Variants in WDR3 observed in about 807,000 individuals in gnomAD.
WDR3 encodes WD repeat domain 3.
A neutral mutation model predicts 123.7 loss-of-function variants in WDR3; 81 were observed. The observed-to-expected ratio is 0.65, with a 90% confidence interval of 0.55 to 0.79. The LOEUF (loss-of-function observed/expected upper bound fraction) is 0.79. Among genes scored for constraint, WDR3 ranks in the 30% least tolerant of loss-of-function variants. WDR3 has a pLI of 0.00. For missense variants in WDR3, 1,027 were observed against 1,123.2 expected (o/e 0.91, Z 1.22); for synonymous variants, 390 against 388.8 (o/e 1.00, Z -0.04).
intron 2 of WDR3, among the ~76,000 whole-genome samples, chr1:117,933,931 G>GA: frequency 1.3e-5 from 2 of 152,246 alleles, no homozygotes; most frequent in Middle Eastern, 6.8e-3. Flanking sequence ...TTGATACTTT[G>GA]TGTGACTGAA....
Position 117,963,585 on chromosome 1 carries a change from C to G in WDR3, c.*4138C>G. On this transcript the variant is annotated 3_prime_UTR_variant, in exon 27 of 27. Coordinates refer to ENST00000349139, the MANE Select transcript of WDR3 (RefSeq NM_006784.3). ...TTCACCAAGTTAGCCAGGATGGTCT[C>G]GATCTCCTGACCTTGTGATCCACCC... 3 of 320,404 alleles carry G rather than the reference C, an allele frequency of 9.4e-6. No homozygotes were observed. The highest frequency in any genetic ancestry group is 1.8e-5 in the Non-Finnish European group (3 of 168,762). 19.8% of individuals were successfully genotyped at this position (320,404 alleles called of 1,614,324 possible).
intron 8 of WDR3, 51 bp from the exon 9 acceptor site, chr1:117,941,699 T>C: frequency 6.3e-7 from 1 of 1,575,858 alleles, no homozygotes; most frequent in Non-Finnish European, 8.6e-7. Flanking sequence ...GAGAATTAGG[T>C]AAATTACAAA....
intron 21 of WDR3, 132 bp from the exon 22 acceptor site, chr1:117,953,875 C>A: frequency 1.3e-6 from 1 of 747,160 alleles, no homozygotes; most frequent in Admixed American, 2.8e-5. Context: ...TTTTGGCACT[C>A]TATTCGCACG....
intron 12 of WDR3, among the ~76,000 whole-genome samples, chr1:117,946,515 C>T (rs564356051): frequency 6.6e-6 from 1 of 152,052 alleles, no homozygotes; most frequent in Admixed American, 6.5e-5. Flanking sequence ...TACCTAATAT[C>T]ATGCTTGGCA....
chr1:117,953,412 A>T, intron 20 of WDR3, 64 bp from the exon 21 acceptor site: 1 of 1,502,764 alleles, frequency 6.7e-7, no homozygotes, highest in Non-Finnish European at 9.2e-7. Flanking sequence ...ATGTAAGATT[A>T]ATTTATCAGC....
intron 24 of WDR3, 32 bp from the exon 25 acceptor site, chr1:117,957,036 T>C: frequency 6.5e-7 from 1 of 1,530,924 alleles, no homozygotes. Context: ...TTAACAAATG[T>C]GGCATTTTTA....
In WDR3 at chr1:117,958,979, T is replaced by G. The variant is rs1229016158; in HGVS notation, c.2652T>G (p.Thr884=). Residue 884 remains threonine (T), a synonymous_variant, in exon 26 of 27, where the codon ACT becomes ACG. Coordinates refer to ENST00000349139, the MANE Select transcript of WDR3 (RefSeq NM_006784.3). ...TGATAGAAAAATTAAGGGAAACAAC[T>G]ATTTCAAAAGTCAGCCAAGTCCGGG... ...VPVIEKLRET[T]ISKVSQVRDV... The G allele has an allele frequency of 6.2e-7, 1 of 1,614,020 alleles. No individual in the cohort carries two copies. The highest frequency in any genetic ancestry group is 8.5e-7 in the Non-Finnish European group (1 of 1,179,932).
Position 117,954,075 on chromosome 1 carries a change from C to CATTT in WDR3, c.2338_2341dup (p.Cys781TyrfsTer3). 1 of 1,611,858 alleles carries CATTT rather than the reference C, an allele frequency of 6.2e-7. No homozygotes were observed. On this transcript the variant is annotated frameshift_variant, in exon 22 of 27. Transcript: ENST00000349139. LOFTEE classifies it high-confidence loss of function. ...CTGCAAAAATGAAGGAACACAAAGC[C>CATTT]ATTTGTAAAGCTGCAGGGAAAGAGG...
At position 117,933,346 on chromosome 1, in the gene WDR3, C is replaced by T. The variant is rs1285923733; in HGVS notation, c.27C>T (p.Arg9=). The change falls in exon 2 of 27, where the codon CGC becomes CGT. Residue 9 remains arginine, a synonymous_variant. Coordinates refer to ENST00000349139, the MANE Select transcript of WDR3 (RefSeq NM_006784.3). ...TGGGGCTCACCAAGCAGTACCTACG[C>T]TATGTTGCTAGTGCGGTCTTTGGCG... is the stretch of plus-strand genomic sequence containing the variant. MGLTKQYL[R]YVASAVFGVI... 2 of 1,614,162 alleles carry T rather than the reference C, an allele frequency of 1.2e-6. No homozygotes were observed. Among genetic ancestry groups the T allele is most frequent in the Non-Finnish European group, 1.7e-6 (2 of 1,180,022 alleles).
chr1:117,952,559 T>TA lies in WDR3; in HGVS notation c.2050dup (p.Ser684LysfsTer13). ...CACCAGGAAATATGGTGTTTGGCTG[T>TA]AAGCCCCAGTGGAGACTATGTTGTA... On this transcript the variant is annotated frameshift_variant, in exon 19 of 27. Transcript: ENST00000349139. LOFTEE classifies it high-confidence loss of function. 6.2e-7 allele frequency: 1 copy of TA among 1,613,274 alleles called. No homozygotes were observed. The highest frequency in any genetic ancestry group is 8.5e-7 in the Non-Finnish European group (1 of 1,179,558).
intron 25 of WDR3, among the ~76,000 whole-genome samples, chr1:117,958,264 G>T (rs767297313): frequency 1.4e-4 from 21 of 152,162 alleles, no homozygotes; most frequent in East Asian, 1.9e-4. Context: ...AAGAGAAGAA[G>T]AATAATATGT....
At chr1:117,933,237 A>C in intron 1 of WDR3, 51 bp from the exon 2 acceptor site, 1 of 1,508,826 alleles carries the variant, frequency 6.6e-7, no homozygotes, top group South Asian at 1.2e-5. Flanking sequence ...TTACTAACCT[A>C]GTAGAACCAA....
At chr1:117,951,402 C>T (rs1402483917) in intron 16 of WDR3, among the ~76,000 whole-genome samples, 6 of 147,214 alleles carry the variant, frequency 4.1e-5, no homozygotes, top group South Asian at 2.1e-4. Context: ...AGTGAGACTC[C>T]GTCTCAAAAA....
At chr1:117,959,179 G>C in intron 26 of WDR3, 113 bp from the exon 27 acceptor site, 1 of 1,402,952 alleles carries the variant, frequency 7.1e-7, no homozygotes. Context: ...AGTTCTTAAT[G>C]AGGGAAAGAT....
rs115457765 is a variant in WDR3, at chr1:117,958,467, A to C, written c.2583-443A>C. 6.5e-3 allele frequency among the ~76,000 whole-genome samples: 989 copies of C among 152,300 alleles called. 8 individuals carry two copies. The highest frequency in any genetic ancestry group is 0.022 in the African/African-American group (932 of 41,562). On this transcript the variant is annotated intron_variant, in intron 25 of 26. Transcript: ENST00000349139. The stretch of plus-strand genomic sequence containing the variant: ...ATGGGTACTACCTGACAGGTATGGT[A>C]GGGTCATCAAGGATATCTTGGTACT...
Position 117,954,638 on chromosome 1 carries a change from T to C in WDR3, c.2409+11T>C, listed in dbSNP as rs1026528253. Reference sequence around the variant, plus strand: ...TATGGCAGTATCTCAGTGAGTAAAATGTCTAACGGTTTTCCTTTGTTTATT... The same window carrying C: ...TATGGCAGTATCTCAGTGAGTAAAACGTCTAACGGTTTTCCTTTGTTTATT... On this transcript the variant is annotated intron_variant, in intron 23 of 26. Coordinates refer to ENST00000349139, the MANE Select transcript of WDR3 (RefSeq NM_006784.3). 4 of 1,610,548 alleles carry C rather than the reference T, an allele frequency of 2.5e-6. No homozygotes were observed. The highest frequency in any genetic ancestry group is 1.3e-5 in the African/African-American group (1 of 74,758).
rs1651583598 is a variant in WDR3, at chr1:117,950,857, CA to C, written c.1773del (p.Lys591AsnfsTer16). The C allele has an allele frequency of 1.9e-6, 3 of 1,609,056 alleles. No homozygotes were observed. Among genetic ancestry groups the C allele is most frequent in the African/African-American group, 1.3e-5 (1 of 74,628 alleles). On this transcript the variant is annotated frameshift_variant, in exon 16 of 27. Transcript: ENST00000349139. LOFTEE classifies it high-confidence loss of function. ...LKFFLSLYGHKLPVICMDISH... is the reference protein window; with the variant it reads ...LKFFLSLYGHXLPVICMDISH... ...AGTTTTTTCTGTCACTGTATGGACA[CA>C]AACTGCCTGTTATATGCATGGACAT...
rs1245526299 is a variant in WDR3 at position 117,961,400 on chromosome 1, G to A, written c.*1953G>A. 2 of 152,144 alleles carry A rather than the reference G, an allele frequency of 1.3e-5. No homozygotes were observed. Among genetic ancestry groups the A allele is most frequent in the African/African-American group, 4.8e-5 (2 of 41,426 alleles). The allele number at this position is 152,144 out of a possible 1,614,324, so 9.4% of individuals were successfully genotyped here. A position where few individuals can be genotyped will look rare whatever the true frequency, so the allele number is the denominator to read the frequency against. On this transcript the variant is annotated 3_prime_UTR_variant, in exon 27 of 27. Transcript: ENST00000349139. Reference sequence around the variant, plus strand: ...GGTAAGGATTTGGGGAATGTTCTAGGAAAAGATATTGACAGATACCTCTGG... The same window carrying A: ...GGTAAGGATTTGGGGAATGTTCTAGAAAAAGATATTGACAGATACCTCTGG...
chr1:117,936,180 T>C (rs1444453194), intron 3 of WDR3, among the ~76,000 whole-genome samples: 1 of 152,126 alleles, frequency 6.6e-6, no homozygotes, highest in Non-Finnish European at 1.5e-5. Flanking sequence ...CTGCTGGTTC[T>C]ATAGATTTAC....
Sources: allele counts gnomAD v4.1 joint callset (sites outside exome capture counted in the v4.1 genomes callset), GRCh38; gene constraint gnomAD v4.1.1; transcripts MANE v1.5; gene names NCBI Gene and HGNC (gene_info 2026-07-23, HGNC 2026-07-21).